Variants in ATP10A observed in about 807,000 individuals in gnomAD.
ATP10A encodes the protein ATPase phospholipid transporting 10A (putative).
In ATP10A, 111 loss-of-function variants were observed where a neutral mutation model predicts 147.8. The ratio of observed to expected loss-of-function variants is 0.75; its 90% CI spans 0.64 to 0.88. The LOEUF is 0.88. ATP10A is among the 40% of genes least tolerant of loss of function. The pLI is 0.00. For missense variants in ATP10A, 1,927 were observed against 1,959.0 expected (o/e 0.98, Z 0.31); for synonymous variants, 875 against 841.6 (o/e 1.04, Z -0.69).
At chr15:25,731,517 G>C (rs1902987771) in intron 3 of ATP10A, among the ~76,000 whole-genome samples, 1 of 152,168 alleles carries the variant, frequency 6.6e-6, no homozygotes, top group Admixed American at 6.5e-5. Flanking sequence ...TGATTGATTT[G>C]TGGCTTCAGA....
intron 1 of ATP10A, among the ~76,000 whole-genome samples, chr15:25,801,352 C>T (rs1188489166): frequency 6.6e-6 from 1 of 152,160 alleles, no homozygotes; most frequent in African/African-American, 2.4e-5. Context: ...TTACACTGCA[C>T]CAGCACTTAA....
At chr15:25,848,577 G>A (rs182744860) in intron 1 of ATP10A, among the ~76,000 whole-genome samples, 49 of 152,062 alleles carry the variant, frequency 3.2e-4, no homozygotes, top group African/African-American at 1.2e-3. Flanking sequence ...CCTAGAGGCC[G>A]CCCACACTCC....
At chr15:25,807,234 G>T (rs1313551745) in intron 1 of ATP10A, among the ~76,000 whole-genome samples, 1 of 152,156 alleles carries the variant, frequency 6.6e-6, no homozygotes, top group Non-Finnish European at 1.5e-5. Context: ...CTGGCTGCTC[G>T]ACCCTGTCCT....
chr15:25,716,285 G>A (rs1267888321), intron 9 of ATP10A, among the ~76,000 whole-genome samples: 1 of 152,186 alleles, frequency 6.6e-6, no homozygotes, highest in Non-Finnish European at 1.5e-5. Context: ...GGCCTGTCTT[G>A]TCCTCTCTCC....
chr15:25,789,591 T>TGTGTGA (rs1555470190), intron 1 of ATP10A, among the ~76,000 whole-genome samples: 8 of 151,254 alleles, frequency 5.3e-5, no homozygotes, highest in South Asian at 2.1e-4. Flanking sequence ...TGTGTGTGTG[T>TGTGTGA]GACAGAGACA....
intron 15 of ATP10A, among the ~76,000 whole-genome samples, chr15:25,688,251 T>C (rs1260997566): frequency 6.6e-6 from 1 of 152,208 alleles, no homozygotes; most frequent in African/African-American, 2.4e-5. Flanking sequence ...TCCTGCCGTA[T>C]GTATCAGAGA....
At chr15:25,674,651 GGTCT>G (rs1183357202), downstream of ATP10A, among the ~76,000 whole-genome samples, 1 of 152,172 alleles carries the variant, frequency 6.6e-6, no homozygotes, top group Non-Finnish European at 1.5e-5. Flanking sequence ...CTGGACAGCT[GGTCT>G]GTCTTACATT....
chr15:25,702,853 C>A (rs1174010046), intron 12 of ATP10A, among the ~76,000 whole-genome samples: 1 of 151,816 alleles, frequency 6.6e-6, no homozygotes, highest in East Asian at 1.9e-4. Flanking sequence ...TAGGTTCGAG[C>A]CCTGACTGAG....
chr15:25,736,069 A>G lies in ATP10A; in HGVS notation c.727T>C (p.Phe243Leu). The G allele has an allele frequency of 6.2e-7, 1 of 1,613,788 alleles. No homozygotes were observed. The highest frequency in any genetic ancestry group is 2.2e-5 in the East Asian group (1 of 44,886). ...CACGATACTCACATGCAGCCGCGAA[A>G]CCTACTCAGGTCGTTGTTTGGCTTC... ...CEKPNNDLSR[F>L]RGCIIHDNGK... Residue 243 changes from phenylalanine (F) to leucine (L), a missense_variant, in exon 3 of 21, where the codon TTT becomes CTT. Coordinates refer to ENST00000555815, the MANE Select transcript of ATP10A (RefSeq NM_024490.4).
intron 1 of ATP10A, among the ~76,000 whole-genome samples, chr15:25,812,076 C>T (rs534821449): frequency 1.3e-5 from 2 of 152,306 alleles, no homozygotes; most frequent in South Asian, 2.1e-4. Context: ...ATGGAGTGAA[C>T]GTTTATAGCG....
intron 1 of ATP10A, among the ~76,000 whole-genome samples, chr15:25,858,620 C>A (rs143702479): frequency 6.6e-6 from 1 of 152,108 alleles, no homozygotes; most frequent in East Asian, 1.9e-4. Flanking sequence ...GAAAATGGAG[C>A]GAAAATCAAA....
chr15:25,731,659 C>CT (rs1369954707), intron 3 of ATP10A, among the ~76,000 whole-genome samples: 1 of 152,122 alleles, frequency 6.6e-6, no homozygotes, highest in East Asian at 1.9e-4. Flanking sequence ...CTGGGAACAG[C>CT]TGGAGAAGGT....
intron 6 of ATP10A, 71 bp downstream of exon 6, chr15:25,723,820 A>G: frequency 7.5e-7 from 1 of 1,336,766 alleles, no homozygotes; most frequent in Non-Finnish European, 9.9e-7. Context: ...GAAATTCTGA[A>G]CAGAGTATGA....
intron 1 of ATP10A, among the ~76,000 whole-genome samples, chr15:25,855,591 G>A (rs115530038): frequency 1.4e-3 from 208 of 146,300 alleles, no homozygotes; most frequent in African/African-American, 5.1e-3. Context: ...CAAACAGCTA[G>A]CATCATACTT....
At chr15:25,786,886 C>T (rs182752821) in intron 1 of ATP10A, among the ~76,000 whole-genome samples, 1 of 151,226 alleles carries the variant, frequency 6.6e-6, no homozygotes, top group Admixed American at 6.6e-5. Context: ...CTGCCCGTCT[C>T]GGCCTCCCAA....
In ATP10A at chr15:25,721,701, C is replaced by A; in HGVS notation, c.1319G>T (p.Arg440Leu). 6.2e-7 allele frequency: 1 copy of A among 1,614,066 alleles called. No individual in the cohort carries two copies. The highest frequency in any genetic ancestry group is 1.7e-5 in the Admixed American group (1 of 60,022). Residue 440 changes from arginine (R) to leucine (L), a missense_variant, in exon 7 of 21, where the codon CGA becomes CTA. Arg to Leu is a moderately radical substitution (Grantham distance 102). Coordinates refer to ENST00000555815, the MANE Select transcript of ATP10A (RefSeq NM_024490.4). ...TTCTACACCAGACACAGTGCATCTT[C>A]GGAAAACCATCTTATTCTCTGTCAA... ...GTLTENKMVF[R>L]RCTVSGVEYS...
chr15:25,783,473 A>AG lies in ATP10A; in HGVS notation c.450-2251dup, dbSNP rs535181894. On this transcript the variant is annotated intron_variant, in intron 1 of 20. Transcript: ENST00000555815. ...TATTTAATTCCCCTGTGTGGATTTG[A>AG]GGGACCCCCCCCTGGCAAAGTTCCA... Among the ~76,000 whole-genome samples the AG allele has an allele frequency of 1.2e-3, 111 of 92,234 alleles. 1 individual carries two copies. The East Asian group carries it at 0.032, about 27-fold the overall frequency. The allele number at this position is 92,234 out of a possible 152,430, so 60.5% of individuals were successfully genotyped here. A position where few individuals can be genotyped will look rare whatever the true frequency, so the allele number is the denominator to read the frequency against.
chr15:25,821,597 T>C (rs1891893337), intron 1 of ATP10A, among the ~76,000 whole-genome samples: 1 of 152,142 alleles, frequency 6.6e-6, no homozygotes, highest in African/African-American at 2.4e-5. Flanking sequence ...CATCCAATTT[T>C]GGAAGGGGTT....
At chr15:25,731,975 C>T (rs1255675487) in intron 3 of ATP10A, among the ~76,000 whole-genome samples, 1 of 152,156 alleles carries the variant, frequency 6.6e-6, no homozygotes, top group Admixed American at 6.5e-5. Context: ...CCCACCTCAA[C>T]CTCCTGAGTT....
Sources: gnomAD v4.1 joint callset for allele counts (sites outside exome capture counted in the v4.1 genomes callset) on GRCh38, gnomAD v4.1.1 for gene constraint, MANE v1.5 for transcripts, NCBI Gene and HGNC (gene_info 2026-07-23, HGNC 2026-07-21) for gene names.